The following PCSK6 variants were observed in gnomAD, a reference collection of about 807,000 sequenced individuals.
PCSK6 encodes the protein proprotein convertase subtilisin/kexin type 6, also known as paired basic amino acid cleaving enzyme 4.
In PCSK6, 85 loss-of-function variants were observed where a neutral mutation model predicts 123.3. The observed-to-expected ratio is 0.69, with a 90% CI of 0.58 to 0.83. The LOEUF is 0.83. PCSK6 is among the 40% of genes least tolerant of loss of function. The probability of loss-of-function intolerance (pLI) is 0.00; values close to 1 mark genes in which losing one functional copy is unlikely to be tolerated. For missense variants in PCSK6, 1,191 were observed against 1,282.3 expected, an observed-to-expected ratio of 0.93 and a Z score of 1.09; for synonymous variants, 508 against 516.0, an observed-to-expected ratio of 0.98 and a Z score of 0.21.
intron 11 of PCSK6, among the ~76,000 whole-genome samples, chr15:101,381,740 C>T (rs2141504616): frequency 6.6e-6 from 1 of 152,288 alleles, no homozygotes. Flanking sequence ...GCAGCTACTC[C>T]CCATTTCACT....
At chr15:101,403,880 C>T (rs551035612) in intron 6 of PCSK6, among the ~76,000 whole-genome samples, 16 of 152,256 alleles carry the variant, frequency 1.1e-4, no homozygotes, top group South Asian at 2.1e-4. Context: ...CCACCACACA[C>T]GGCTAATTTT....
rs542001704 is a variant in PCSK6, at chr15:101,447,172, A to G, written c.298-3512T>C. On this transcript the variant is annotated intron_variant, in intron 1 of 21. Coordinates refer to ENST00000611716, the MANE Select transcript of PCSK6 (RefSeq NM_002570.5). ...GACCTACCACAGCAGGGTCCACCCC[A>G]GGTACGAGGAGGTTCTGCCCCTCCC... 2.6e-5 allele frequency among the ~76,000 whole-genome samples: 4 copies of G among 152,238 alleles called. No individual in the cohort carries two copies. In the South Asian group the frequency reaches 6.2e-4, roughly 24 times the overall value.
At chr15:101,421,644 C>T (rs2056088946) in intron 6 of PCSK6, among the ~76,000 whole-genome samples, 1 of 152,206 alleles carries the variant, frequency 6.6e-6, no homozygotes, top group African/African-American at 2.4e-5. Context: ...AGCCAACAGC[C>T]CCATAAGTAA....
intron 19 of PCSK6, among the ~76,000 whole-genome samples, chr15:101,316,925 T>TTTTTTTTTTTG (rs2040006036): frequency 7.3e-6 from 1 of 137,524 alleles, no homozygotes; most frequent in African/African-American, 2.9e-5. Flanking sequence ...TTTTTTTTTT[T>TTTTTTTTTTTG]TTTTGACAGA....
chr15:101,359,293 G>A (rs2041141790), intron 13 of PCSK6, among the ~76,000 whole-genome samples: 2 of 152,218 alleles, frequency 1.3e-5, no homozygotes, highest in African/African-American at 4.8e-5. Context: ...ACCACAAGGT[G>A]TTTATTCTGC....
chr15:101,383,275 C>T (rs2041958224), intron 10 of PCSK6, among the ~76,000 whole-genome samples: 5 of 151,996 alleles, frequency 3.3e-5, no homozygotes, highest in Admixed American at 3.3e-4. Context: ...GGCGTGGTAG[C>T]AGGCACCTGT....
chr15:101,438,407 T>A (rs1464631822), intron 2 of PCSK6, among the ~76,000 whole-genome samples: 1 of 152,168 alleles, frequency 6.6e-6, no homozygotes, highest in Non-Finnish European at 1.5e-5. Context: ...CTTATAGGAG[T>A]CACATCTCTG....
At chr15:101,428,282 C>T (rs1305984480) in intron 5 of PCSK6, among the ~76,000 whole-genome samples, 1 of 152,234 alleles carries the variant, frequency 6.6e-6, no homozygotes, top group African/African-American at 2.4e-5. Flanking sequence ...GCCCGTGGTC[C>T]TATACCTTCC....
intron 13 of PCSK6, among the ~76,000 whole-genome samples, chr15:101,352,137 A>ATTTTTT (rs56844456): frequency 1.0e-5 from 1 of 97,012 alleles, no homozygotes; most frequent in Non-Finnish European, 1.9e-5. Flanking sequence ...TATTTTTCTA[A>ATTTTTT]TTTTTTTTTT....
At chr15:101,354,542 G>A (rs2040987827) in intron 13 of PCSK6, among the ~76,000 whole-genome samples, 1 of 152,260 alleles carries the variant, frequency 6.6e-6, no homozygotes, top group South Asian at 2.1e-4. Flanking sequence ...TGTATTTGCT[G>A]TAAAGCAATG....
chr15:101,397,692 C>G (rs901718708), intron 7 of PCSK6, among the ~76,000 whole-genome samples: 4 of 152,236 alleles, frequency 2.6e-5, no homozygotes, highest in African/African-American at 9.6e-5. Flanking sequence ...ACCCAGAAAT[C>G]TGCCTTGCCA....
At chr15:101,419,843 G>A (rs2056021577) in intron 6 of PCSK6, among the ~76,000 whole-genome samples, 1 of 151,922 alleles carries the variant, frequency 6.6e-6, no homozygotes, top group Non-Finnish European at 1.5e-5. Flanking sequence ...GATTTGGGGG[G>A]ATCTCTCTTT....
chr15:101,454,028 C>A (rs1552950), intron 1 of PCSK6, among the ~76,000 whole-genome samples: 3 of 152,098 alleles, frequency 2.0e-5, no homozygotes, highest in Non-Finnish European at 2.9e-5. Context: ...GCCAGGCCCC[C>A]TCCTGGACTC....
At chr15:101,431,847 C>T (rs535337959) in intron 3 of PCSK6, 143 bp downstream of exon 3, 16 of 690,770 alleles carry the variant, frequency 2.3e-5, no homozygotes, top group African/African-American at 7.1e-5. Context: ...CACAGCCTTG[C>T]GGTAGTGGTT....
chr15:101,352,732 T>C (rs2141414420), intron 13 of PCSK6, among the ~76,000 whole-genome samples: 1 of 152,352 alleles, frequency 6.6e-6, no homozygotes, highest in South Asian at 2.1e-4. Context: ...CTAGCTATTA[T>C]CTGTGCCCAT....
At chr15:101,478,939 T>A (rs2057799739) in intron 1 of PCSK6, among the ~76,000 whole-genome samples, 1 of 152,218 alleles carries the variant, frequency 6.6e-6, no homozygotes, top group Admixed American at 6.5e-5. Flanking sequence ...TTAAGGATGA[T>A]TTGCCTTTGG....
intron 3 of PCSK6, 63 bp from the exon 4 acceptor site, chr15:101,431,526 C>G (rs759989135): frequency 6.2e-7 from 1 of 1,600,210 alleles, no homozygotes. Context: ...AACTGACACT[C>G]GGTGCACACC....
chr15:101,449,393 A>G (rs2056975146), intron 1 of PCSK6, among the ~76,000 whole-genome samples: 1 of 152,006 alleles, frequency 6.6e-6, no homozygotes. Flanking sequence ...AAGACAGCCA[A>G]CTGCATATGT....
At chr15:101,376,633 A>T (rs1442894129) in intron 11 of PCSK6, among the ~76,000 whole-genome samples, 1 of 152,242 alleles carries the variant, frequency 6.6e-6, no homozygotes, top group African/African-American at 2.4e-5. Flanking sequence ...ACTGTATTCA[A>T]ATTCCAAATC....
Sources: gnomAD v4.1 joint callset for allele counts (sites outside exome capture counted in the v4.1 genomes callset) on GRCh38, gnomAD v4.1.1 for gene constraint, MANE v1.5 for transcripts, NCBI Gene and HGNC (gene_info 2026-07-23, HGNC 2026-07-21) for gene names.